The following FNBP1 variants were observed in gnomAD, a reference collection of about 807,000 sequenced individuals.
FNBP1 encodes formin binding protein 1.
Under a neutral mutation model 90.6 loss-of-function variants are expected in FNBP1, and 26 were observed. The observed-to-expected ratio is 0.29, with a 90% CI of 0.21 to 0.40. FNBP1 has a LOEUF of 0.40. FNBP1 is among the 10% of genes least tolerant of loss of function. FNBP1 has a pLI of 1.00. For synonymous variants in FNBP1, 260 were observed against 265.2 expected (o/e 0.98, Z 0.19); for missense variants, 635 against 768.0 (o/e 0.83, Z 2.05).
intron 12 of FNBP1, among the ~76,000 whole-genome samples, chr9:129,907,578 AGGGTGTGTGTGTGT>A (rs1156578347): frequency 8.5e-6 from 1 of 117,432 alleles, no homozygotes; most frequent in Non-Finnish European, 1.7e-5. Context: ...GCTAGGAGTG[AGGGTGTGTGTGTGT>A]GTGTGTGTGT....
chr9:129,907,586 T>G (rs1433716420), intron 12 of FNBP1, among the ~76,000 whole-genome samples: 1 of 3,090 alleles, frequency 3.2e-4, no homozygotes, highest in African/African-American at 7.4e-4. Flanking sequence ...TGAGGGTGTG[T>G]GTGTGTGTGT....
chr9:129,997,047 A>C (rs6478937), intron 1 of FNBP1, among the ~76,000 whole-genome samples: 2 of 151,708 alleles, frequency 1.3e-5, no homozygotes, highest in Admixed American at 6.6e-5. Flanking sequence ...GATTTTGGCC[A>C]GGTGAGGTGG....
intron 4 of FNBP1, among the ~76,000 whole-genome samples, chr9:129,965,817 G>GGAAGGAAGGA (rs2048540900): frequency 1.0e-5 from 1 of 99,488 alleles, no homozygotes; most frequent in Non-Finnish European, 2.0e-5. Flanking sequence ...GGGAGGGAGG[G>GGAAGGAAGGA]AGGAAGGAAG....
chr9:129,897,331 G>A (rs2035954145), intron 15 of FNBP1, among the ~76,000 whole-genome samples: 1 of 152,196 alleles, frequency 6.6e-6, no homozygotes, highest in South Asian at 2.1e-4. Context: ...GCAAGGCAAA[G>A]AGTTTAGGGA....
chr9:129,971,050 T>C (rs1588974695), intron 4 of FNBP1, among the ~76,000 whole-genome samples: 1 of 151,408 alleles, frequency 6.6e-6, no homozygotes. Context: ...CACACCCAGC[T>C]AATTTTTTTT....
intron 6 of FNBP1, among the ~76,000 whole-genome samples, chr9:129,948,250 G>C (rs949433776): frequency 6.6e-6 from 1 of 151,596 alleles, no homozygotes; most frequent in African/African-American, 2.4e-5. Flanking sequence ...TCCAGCCTGA[G>C]CAACAAAGGG....
intron 3 of FNBP1, among the ~76,000 whole-genome samples, chr9:129,978,973 C>T (rs1355984866): frequency 6.6e-6 from 1 of 152,148 alleles, no homozygotes; most frequent in Non-Finnish European, 1.5e-5. Context: ...GCCTTAATTG[C>T]TGACTGAAAT....
intron 2 of FNBP1, among the ~76,000 whole-genome samples, chr9:129,983,188 C>A (rs943717517): frequency 2.0e-5 from 3 of 152,080 alleles, no homozygotes; most frequent in African/African-American, 7.2e-5. Flanking sequence ...TCCAGGTAAA[C>A]CAGTATTCTT....
At chr9:129,902,812 C>T in intron 13 of FNBP1, 57 bp downstream of exon 13, 1 of 1,586,544 alleles carries the variant, frequency 6.3e-7, no homozygotes, top group Admixed American at 1.7e-5. Context: ...CCATTCTACA[C>T]CGAGGAACAC....
intron 4 of FNBP1, among the ~76,000 whole-genome samples, chr9:129,974,908 T>G (rs779720612): frequency 1.0e-4 from 15 of 150,338 alleles, no homozygotes; most frequent in Non-Finnish European, 1.5e-4. Flanking sequence ...AAAATGCTCA[T>G]GAAGCATTAT....
intron 15 of FNBP1, among the ~76,000 whole-genome samples, chr9:129,897,443 C>T (rs2035972391): frequency 6.6e-6 from 1 of 152,092 alleles, no homozygotes. Context: ...TCACAATGAA[C>T]ATTTAGTCTA....
chr9:129,899,797 AGGAAGG>A (rs149093701), intron 15 of FNBP1, among the ~76,000 whole-genome samples, 162 bp downstream of exon 15: 10,201 of 133,442 alleles, frequency 0.076, 456 homozygotes, highest in Middle Eastern at 0.14. Flanking sequence ...AAGGGAAGGA[AGGAAGG>A]GGAAGGGGAA....
At chr9:129,926,432 C>T (rs1485933842) in intron 8 of FNBP1, among the ~76,000 whole-genome samples, 5 of 152,150 alleles carry the variant, frequency 3.3e-5, no homozygotes, top group Non-Finnish European at 7.3e-5. Flanking sequence ...CTTTTGCCCT[C>T]CCAGAGGACA....
intron 2 of FNBP1, among the ~76,000 whole-genome samples, chr9:129,985,601 G>A (rs1329734612): frequency 6.6e-6 from 1 of 151,866 alleles, no homozygotes; most frequent in African/African-American, 2.4e-5. Flanking sequence ...AGGTCAACTG[G>A]GGTCAGGAGT....
rs1156788585 is a variant in FNBP1 at position 129,890,436 on chromosome 9, G to A, written c.*103C>T. The A allele has an allele frequency of 5.4e-6, 5 of 917,864 alleles. No individual in the cohort carries two copies. In the African/African-American group the frequency reaches 8.2e-5, roughly 15 times the overall value. 56.9% of individuals were successfully genotyped at this position (917,864 alleles called of 1,614,324 possible). On this transcript the variant is annotated 3_prime_UTR_variant, in exon 17 of 17. Transcript: ENST00000446176. This position sits in a 1 kb window ranked among gnomAD's most constrained non-coding sequence, Gnocchi z 5.8. ...GACCGCCCCGCAGGGATGGGGCTGC[G>A]GAGGGGTGGGCTGTCCACAGGGCAG...
At chr9:130,009,156 A>C (rs2056205972) in intron 1 of FNBP1, among the ~76,000 whole-genome samples, 1 of 152,226 alleles carries the variant, frequency 6.6e-6, no homozygotes, top group South Asian at 2.1e-4. Flanking sequence ...GGCATCTGAA[A>C]CTTAGTTAAC....
At position 129,890,440 on chromosome 9, in the gene FNBP1, G is replaced by A; in HGVS notation, c.*99C>T. 1.1e-6 allele frequency: 1 copy of A among 941,222 alleles called. No individual in the cohort carries two copies. Among genetic ancestry groups the A allele is most frequent in the South Asian group, 1.4e-5 (1 of 71,604 alleles). 58.3% of individuals were successfully genotyped at this position (941,222 alleles called of 1,614,324 possible). A position where few individuals can be genotyped will look rare whatever the true frequency, so the allele number is the denominator to read the frequency against. On this transcript the variant is annotated 3_prime_UTR_variant, in exon 17 of 17. Transcript: ENST00000446176. The surrounding 1 kb of genome is among the most constrained non-coding windows in gnomAD (Gnocchi z 5.8). Reference sequence around the variant, plus strand: ...GCCCCGCAGGGATGGGGCTGCGGAGGGGTGGGCTGTCCACAGGGCAGGGCG... The same window carrying A: ...GCCCCGCAGGGATGGGGCTGCGGAGAGGTGGGCTGTCCACAGGGCAGGGCG...
chr9:130,036,385 A>G (rs556596925), intron 1 of FNBP1, among the ~76,000 whole-genome samples: 3 of 152,348 alleles, frequency 2.0e-5, no homozygotes, highest in African/African-American at 7.2e-5. Flanking sequence ...ATGTGTTCAC[A>G]TAGTAAGTAT....
At chr9:129,969,813 T>G (rs2049167250) in intron 4 of FNBP1, among the ~76,000 whole-genome samples, 1 of 151,124 alleles carries the variant, frequency 6.6e-6, no homozygotes, top group African/African-American at 2.4e-5. Context: ...GGTAGAAACA[T>G]GGAAAATGCT....
Sources: allele counts gnomAD v4.1 joint callset (sites outside exome capture counted in the v4.1 genomes callset), GRCh38; gene constraint gnomAD v4.1.1; non-coding constraint Gnocchi (gnomAD v3.1); transcripts MANE v1.5; gene names NCBI Gene and HGNC (gene_info 2026-07-23, HGNC 2026-07-21).